Variants in OR2L13 observed in about 807,000 individuals in gnomAD.
The protein encoded by OR2L13 is olfactory receptor 2L13.
OR2L13 carries 14 observed loss-of-function variants against 15.3 expected under a neutral mutation model. The ratio of observed to expected loss-of-function variants is 0.91; its 90% confidence interval spans 0.60 to 1.43. The LOEUF is 1.43. Among genes scored for constraint, OR2L13 ranks in the 40% most tolerant of loss-of-function variants. The probability of loss-of-function intolerance (pLI) is 0.00; values close to 1 mark genes in which losing one functional copy is unlikely to be tolerated. For missense variants in OR2L13, 367 were observed against 387.9 expected, an observed-to-expected ratio of 0.95 and a Z score of 0.45; for synonymous variants, 152 against 142.9, an observed-to-expected ratio of 1.06 and a Z score of -0.45.
the OR2L13 span, chr1:248,022,881 A>G: frequency 6.2e-7 from 1 of 1,603,624 alleles, no homozygotes; most frequent in Admixed American, 1.7e-5. Flanking sequence ...CTCGGTGAAA[A>G]TGTAGACATA....
chr1:248,062,226 G>A, the OR2L13 span: 92 of 152,282 alleles, frequency 6.0e-4, no homozygotes, highest in African/African-American at 1.9e-3. Flanking sequence ...ATGAATCCCA[G>A]GAAATGATTT....
the OR2L13 span, chr1:248,061,318 A>T: frequency 6.2e-7 from 1 of 1,613,534 alleles, no homozygotes; most frequent in Non-Finnish European, 8.5e-7. Context: ...CTTCATTGCT[A>T]TTTCATGTTC....
chr1:248,087,787 A>G, the OR2L13 span, among the ~76,000 whole-genome samples: 1 of 152,200 alleles, frequency 6.6e-6, no homozygotes, highest in East Asian at 1.9e-4. Context: ...TGCTAAAAGC[A>G]AAAACACTCT....
the OR2L13 span, among the ~76,000 whole-genome samples, chr1:247,991,771 C>T: frequency 6.7e-6 from 1 of 149,568 alleles, no homozygotes; most frequent in Non-Finnish European, 1.5e-5. Flanking sequence ...TCCTCTGCTC[C>T]ACTATTTTTA....
chr1:248,043,967 G>A, the OR2L13 span, among the ~76,000 whole-genome samples: 1 of 152,046 alleles, frequency 6.6e-6, no homozygotes, highest in Non-Finnish European at 1.5e-5. Flanking sequence ...TTAGGATGTC[G>A]GGATATCTGG....
chr1:248,013,930 A>T, the OR2L13 span, among the ~76,000 whole-genome samples: 1 of 152,124 alleles, frequency 6.6e-6, no homozygotes, highest in Non-Finnish European at 1.5e-5. Context: ...TTTTGCCGCT[A>T]ATTCATAAAT....
At chr1:248,002,841 C>T in the OR2L13 span, among the ~76,000 whole-genome samples, 1,060 of 146,734 alleles carry the variant, frequency 7.2e-3, 10 homozygotes, top group African/African-American at 0.026. Flanking sequence ...CTGGGCGAAG[C>T]GAGACTCCAG....
chr1:247,969,074 T>G, the OR2L13 span, among the ~76,000 whole-genome samples: 7 of 152,238 alleles, frequency 4.6e-5, no homozygotes, highest in Non-Finnish European at 1.0e-4. Flanking sequence ...GTAGTTTTGA[T>G]TTGCATTCCT....
chr1:248,064,835 G>A, the OR2L13 span, among the ~76,000 whole-genome samples: 4 of 152,260 alleles, frequency 2.6e-5, no homozygotes, highest in Non-Finnish European at 5.9e-5. Flanking sequence ...GTGTCTCTGT[G>A]AATGGAGATA....
the OR2L13 span, among the ~76,000 whole-genome samples, chr1:248,024,434 T>TA: frequency 3.9e-5 from 6 of 152,220 alleles, no homozygotes; most frequent in African/African-American, 1.4e-4. Context: ...AATATAAAAC[T>TA]ACATTTTGTC....
At chr1:247,964,838 A>G in the OR2L13 span, among the ~76,000 whole-genome samples, 1 of 149,294 alleles carries the variant, frequency 6.7e-6, no homozygotes, top group Non-Finnish European at 1.5e-5. Flanking sequence ...ATATATTAGC[A>G]TATATGTAAT....
the OR2L13 span, chr1:248,038,599 G>C: frequency 6.9e-5 from 111 of 1,613,946 alleles, no homozygotes; most frequent in Non-Finnish European, 8.8e-5. Context: ...GTTGCAGAAG[G>C]GCTGCTCCTG....
the OR2L13 span, among the ~76,000 whole-genome samples, chr1:247,957,189 C>G: frequency 1.3e-5 from 2 of 152,150 alleles, no homozygotes; most frequent in Admixed American, 6.6e-5. Flanking sequence ...TTTTCTGCAT[C>G]TATTGAGATA....
chr1:248,026,645 T>C, the OR2L13 span, among the ~76,000 whole-genome samples: 1 of 152,164 alleles, frequency 6.6e-6, no homozygotes, highest in Non-Finnish European at 1.5e-5. Flanking sequence ...CAGAAGAACA[T>C]AAATTGTGAA....
chr1:247,972,479 A>G, the OR2L13 span, among the ~76,000 whole-genome samples: 2 of 152,234 alleles, frequency 1.3e-5, no homozygotes, highest in African/African-American at 2.4e-5. Context: ...AGAGAATACT[A>G]TAAACATCTC....
the OR2L13 span, among the ~76,000 whole-genome samples, chr1:248,015,455 G>A: frequency 1.3e-5 from 2 of 152,130 alleles, no homozygotes; most frequent in Non-Finnish European, 2.9e-5. Context: ...GCAGATTCAG[G>A]TACAGACAGC....
chr1:247,955,283 T>C, the OR2L13 span, among the ~76,000 whole-genome samples: 1 of 151,934 alleles, frequency 6.6e-6, no homozygotes, highest in Non-Finnish European at 1.5e-5. Context: ...TGAACTCATC[T>C]TTTTTTATGG....
At chr1:247,992,095 C>T in the OR2L13 span, among the ~76,000 whole-genome samples, 3 of 149,074 alleles carry the variant, frequency 2.0e-5, no homozygotes, top group African/African-American at 7.5e-5. Flanking sequence ...GCAAGACCAA[C>T]CTCTCCTCCT....
chr1:247,939,757 C>T, the OR2L13 span: 1 of 152,004 alleles, frequency 6.6e-6, no homozygotes, highest in Non-Finnish European at 1.5e-5. Context: ...TTCAAAACCC[C>T]AATAATAATA....
Sources: allele counts gnomAD v4.1 joint callset (sites outside exome capture counted in the v4.1 genomes callset), GRCh38; gene constraint gnomAD v4.1.1; transcripts MANE v1.5; gene names NCBI Gene and HGNC (gene_info 2026-07-23, HGNC 2026-07-21).